KHDRBS2: variants seen among roughly 807,000 people sequenced by gnomAD.
KHDRBS2 encodes KH RNA binding domain containing, signal transduction associated 2.
In KHDRBS2, 26 loss-of-function variants were observed where a neutral mutation model predicts 44.3. That is an observed-to-expected ratio of 0.59 (90% CI 0.43 to 0.81). The LOEUF (loss-of-function observed/expected upper bound fraction) is 0.81. Ranked by LOEUF, KHDRBS2 falls within the 40% of genes least tolerant of loss-of-function variation. The probability of loss-of-function intolerance (pLI) is 0.00; values close to 1 mark genes in which losing one functional copy is unlikely to be tolerated. For missense variants in KHDRBS2, 476 were observed against 433.1 expected, an observed-to-expected ratio of 1.10 and a Z score of -0.88; for synonymous variants, 194 against 151.1, an observed-to-expected ratio of 1.28 and a Z score of -2.08.
At chr6:61,555,300 T>G in the KHDRBS2 span, among the ~76,000 whole-genome samples, 23 of 152,178 alleles carry the variant, frequency 1.5e-4, no homozygotes, top group Non-Finnish European at 2.2e-4. Context: ...TCAATTCTGC[T>G]GTTAATACTT....
At chr6:61,961,958 A>G (rs147651492) in intron 4 of KHDRBS2, among the ~76,000 whole-genome samples, 1 of 138,614 alleles carries the variant, frequency 7.2e-6, no homozygotes, top group Non-Finnish European at 1.5e-5. Flanking sequence ...AATAAATACA[A>G]TAGCATATTT....
intron 6 of KHDRBS2, among the ~76,000 whole-genome samples, chr6:61,757,349 C>T (rs1248959136): frequency 2.0e-5 from 3 of 152,128 alleles, no homozygotes; most frequent in African/African-American, 4.8e-5. Flanking sequence ...TACCTTCTCC[C>T]CAGTAATGTG....
the KHDRBS2 span, among the ~76,000 whole-genome samples, chr6:61,557,239 A>G: frequency 6.6e-6 from 1 of 152,168 alleles, no homozygotes; most frequent in Non-Finnish European, 1.5e-5. Flanking sequence ...TTTTTATAGT[A>G]TTTTGTAGTT....
chr6:61,577,837 G>A, the KHDRBS2 span, among the ~76,000 whole-genome samples: 10 of 151,898 alleles, frequency 6.6e-5, no homozygotes, highest in African/African-American at 1.9e-4. Context: ...CTAACATGTC[G>A]AACATGAGAG....
the KHDRBS2 span, among the ~76,000 whole-genome samples, chr6:61,546,105 C>A: frequency 1.3e-5 from 2 of 151,792 alleles, no homozygotes; most frequent in Non-Finnish European, 2.9e-5. Flanking sequence ...TGACATTAAA[C>A]CAAAAATCTT....
chr6:61,773,401 G>A (rs1452435547), intron 6 of KHDRBS2, among the ~76,000 whole-genome samples: 1 of 152,046 alleles, frequency 6.6e-6, no homozygotes, highest in East Asian at 1.9e-4. Context: ...GTGATGATGA[G>A]CATTTTTTCA....
chr6:62,284,559 TTC>T (rs1361920763), intron 1 of KHDRBS2, among the ~76,000 whole-genome samples: 2 of 152,106 alleles, frequency 1.3e-5, no homozygotes, highest in Admixed American at 6.5e-5. Context: ...TATATTTTTT[TTC>T]ATTCAGTAAC....
chr6:62,039,886 A>C (rs1786094131), intron 3 of KHDRBS2, among the ~76,000 whole-genome samples: 1 of 152,090 alleles, frequency 6.6e-6, no homozygotes, highest in Non-Finnish European at 1.5e-5. Flanking sequence ...AGTTGTAGTA[A>C]AATTAAGAAG....
Position 61,846,598 on chromosome 6 carries a change from G to T in KHDRBS2, c.810+48037C>A, listed in dbSNP as rs149964078. Among the ~76,000 whole-genome samples the T allele has an allele frequency of 3.8e-4, 58 of 152,166 alleles. No homozygotes were observed. In the East Asian group the frequency reaches 0.011, roughly 28 times the overall value. ...ACTTTTAAAACTACTACTAATAAATGATTTGCAAATACAAATTTCTCTATC... is the reference window on the plus strand; with the variant it reads ...ACTTTTAAAACTACTACTAATAAATTATTTGCAAATACAAATTTCTCTATC... On this transcript the variant is annotated intron_variant, in intron 6 of 8. Coordinates refer to ENST00000281156, the MANE Select transcript of KHDRBS2 (RefSeq NM_152688.4).
the KHDRBS2 span, among the ~76,000 whole-genome samples, chr6:61,553,166 T>C: frequency 6.6e-6 from 1 of 152,190 alleles, no homozygotes; most frequent in Non-Finnish European, 1.5e-5. Flanking sequence ...TTATTACTGA[T>C]TCAAATTCAA....
intron 1 of KHDRBS2, among the ~76,000 whole-genome samples, chr6:62,251,123 A>T (rs1836453354): frequency 6.6e-6 from 1 of 151,918 alleles, no homozygotes; most frequent in Admixed American, 6.6e-5. Context: ...ACGGGCAAAG[A>T]ATCATGATGT....
chr6:62,173,816 T>C (rs1820550245), intron 2 of KHDRBS2, among the ~76,000 whole-genome samples: 1 of 152,026 alleles, frequency 6.6e-6, no homozygotes, highest in African/African-American at 2.4e-5. Context: ...AAAAACCATA[T>C]GATCATTTAA....
chr6:61,868,077 G>A (rs1798042774), intron 6 of KHDRBS2, among the ~76,000 whole-genome samples: 1 of 152,094 alleles, frequency 6.6e-6, no homozygotes, highest in South Asian at 2.1e-4. Context: ...CAGCAAATGT[G>A]GCAGCCCACC....
chr6:62,145,208 C>A (rs1183263726), intron 2 of KHDRBS2, among the ~76,000 whole-genome samples: 1 of 151,440 alleles, frequency 6.6e-6, no homozygotes, highest in African/African-American at 2.4e-5. Flanking sequence ...GTTTTCAGTT[C>A]TCAAAATAAT....
chr6:61,643,889 T>C, the KHDRBS2 span, among the ~76,000 whole-genome samples: 1 of 152,216 alleles, frequency 6.6e-6, no homozygotes, highest in African/African-American at 2.4e-5. Context: ...CCAAAAGCAA[T>C]TTACAGATTC....
chr6:62,264,728 T>A (rs1177747879), intron 1 of KHDRBS2, among the ~76,000 whole-genome samples: 1 of 151,814 alleles, frequency 6.6e-6, no homozygotes, highest in African/African-American at 2.4e-5. Context: ...TTTCTTTTTT[T>A]CTGAAATACA....
At chr6:61,676,203 A>G (rs1765929021), downstream of KHDRBS2, among the ~76,000 whole-genome samples, 1 of 151,864 alleles carries the variant, frequency 6.6e-6, no homozygotes, top group Admixed American at 6.6e-5. Context: ...ACTTAAAGAA[A>G]TTATCACTCT....
At chr6:61,772,001 T>TATA (rs1781001938) in intron 6 of KHDRBS2, among the ~76,000 whole-genome samples, 1 of 152,058 alleles carries the variant, frequency 6.6e-6, no homozygotes. Flanking sequence ...CAGACCACAG[T>TATA]GCAATCAAAC....
the KHDRBS2 span, among the ~76,000 whole-genome samples, chr6:61,639,778 T>C: frequency 1.3e-5 from 2 of 152,092 alleles, no homozygotes; most frequent in Admixed American, 6.6e-5. Flanking sequence ...TAAATAAATG[T>C]TGAATGAGTT....
Sources: allele counts gnomAD v4.1 joint callset (sites outside exome capture counted in the v4.1 genomes callset), GRCh38; gene constraint gnomAD v4.1.1; transcripts MANE v1.5; gene names NCBI Gene and HGNC (gene_info 2026-07-23, HGNC 2026-07-21).